Variants in MTMR7 observed in about 807,000 individuals in gnomAD.
MTMR7 encodes the protein myotubularin related protein 7, also known as phosphatidylinositol-3-phosphate phosphatase MTMR7.
In MTMR7, 76 loss-of-function variants were observed where a neutral mutation model predicts 81.2. The ratio of observed to expected loss-of-function variants is 0.94; its 90% confidence interval spans 0.78 to 1.13. The LOEUF (loss-of-function observed/expected upper bound fraction) is 1.13, where lower values mean the gene tolerates loss of function less well. Among genes scored for constraint, MTMR7 ranks in the 50% most tolerant of loss-of-function variants. MTMR7 has a pLI of 0.00. For missense variants in MTMR7, 1,044 were observed against 820.0 expected, an observed-to-expected ratio of 1.27 and a Z score of -3.34; for synonymous variants, 372 against 289.8, an observed-to-expected ratio of 1.28 and a Z score of -2.88.
intron 7 of MTMR7, among the ~76,000 whole-genome samples, chr8:17,328,497 A>G (rs1157222134): frequency 6.6e-6 from 1 of 152,142 alleles, no homozygotes; most frequent in Non-Finnish European, 1.5e-5. Context: ...GTTCTCACTT[A>G]AAAGTGGGAG....
intron 7 of MTMR7, among the ~76,000 whole-genome samples, chr8:17,323,405 G>T (rs373907225): frequency 6.6e-6 from 1 of 152,078 alleles, no homozygotes; most frequent in East Asian, 1.9e-4. Context: ...ACGGAGCCAG[G>T]ATGAACAGGA....
intron 1 of MTMR7, among the ~76,000 whole-genome samples, chr8:17,373,695 T>C (rs1359412955): frequency 2.0e-5 from 3 of 152,200 alleles, no homozygotes; most frequent in African/African-American, 4.8e-5. Context: ...TTTGCTTCCA[T>C]ACAAACTAGT....
chr8:17,315,114 A>G (rs935021502), intron 7 of MTMR7, among the ~76,000 whole-genome samples: 5 of 152,244 alleles, frequency 3.3e-5, no homozygotes, highest in Non-Finnish European at 7.3e-5. Context: ...ATTTAAACAT[A>G]TGAAGTTTAA....
At chr8:17,404,125 T>C (rs2150585586) in intron 1 of MTMR7, among the ~76,000 whole-genome samples, 1 of 152,154 alleles carries the variant, frequency 6.6e-6, no homozygotes, top group African/African-American at 2.4e-5. Flanking sequence ...CTGGCAAAAA[T>C]AAACTGGTGG....
intron 7 of MTMR7, among the ~76,000 whole-genome samples, chr8:17,315,642 C>A (rs996605987): frequency 6.6e-6 from 1 of 152,034 alleles, no homozygotes; most frequent in Non-Finnish European, 1.5e-5. Flanking sequence ...AAGAAAAAGT[C>A]TTTAAAAACA....
At chr8:17,406,960 G>A (rs1490630656) in intron 1 of MTMR7, among the ~76,000 whole-genome samples, 3 of 152,060 alleles carry the variant, frequency 2.0e-5, no homozygotes, top group Non-Finnish European at 4.4e-5. Flanking sequence ...GTGGGGTGAG[G>A]GAGAAATGGA....
intron 4 of MTMR7, among the ~76,000 whole-genome samples, chr8:17,354,144 G>C (rs191074822): frequency 6.6e-6 from 1 of 152,276 alleles, no homozygotes; most frequent in East Asian, 1.9e-4. Flanking sequence ...CAGAAACTGA[G>C]AGATATCTAT....
In MTMR7 at chr8:17,302,209, A is replaced by G. The variant is rs117739013; in HGVS notation, c.1565T>C (p.Met522Thr). The part of the protein sequence containing the change: ...QPRQSVTDYL[M>T]AVKEETQQLE... Reference sequence around the variant, plus strand: ...CTGCTGAGTTTCTTCCTTCACTGCCATTAGGTAATCTGTAACTGACTGTCG... The same window carrying G: ...CTGCTGAGTTTCTTCCTTCACTGCCGTTAGGTAATCTGTAACTGACTGTCG... Residue 522 changes from methionine to threonine, a missense_variant, in exon 13 of 14, where the codon ATG becomes ACG. Coordinates refer to ENST00000180173, the MANE Select transcript of MTMR7 (RefSeq NM_004686.5). The G allele has an allele frequency of 2.8e-3, 4,465 of 1,614,098 alleles. 13 individuals are homozygous for G. Among genetic ancestry groups the G allele is most frequent in the Non-Finnish European group, 3.3e-3 (3,835 of 1,179,972 alleles).
rs185329787 is a variant in MTMR7 at position 17,334,778 on chromosome 8, C to T, written c.733-3496G>A. On this transcript the variant is annotated intron_variant, in intron 6 of 13. Transcript: ENST00000180173. Reference sequence around the variant, plus strand: ...CCAGGACTGGGCAAGAGCTGAGCAACGGGAGAGACAGTGACAATGACAGGA... The same window carrying T: ...CCAGGACTGGGCAAGAGCTGAGCAATGGGAGAGACAGTGACAATGACAGGA... 6.0e-4 allele frequency among the ~76,000 whole-genome samples: 91 copies of T among 152,290 alleles called. 1 individual carries two copies. Among genetic ancestry groups the T allele is most frequent in the Non-Finnish European group, 6.6e-4 (45 of 68,022 alleles).
chr8:17,353,349 G>A lies in MTMR7; in HGVS notation c.469-4268C>T, dbSNP rs540525053. 1.2e-4 allele frequency among the ~76,000 whole-genome samples: 19 copies of A among 152,236 alleles called. No homozygotes were observed. The South Asian group carries it at 2.5e-3, about 20-fold the overall frequency. ...TCAGTTCTGGAGTTGAAAAGTTCCA[G>A]AGATCTATTATAGTACAAGAATGTC... is the stretch of plus-strand genomic sequence containing the variant. On this transcript the variant is annotated intron_variant, in intron 4 of 13. Transcript: ENST00000180173.
intron 11 of MTMR7, among the ~76,000 whole-genome samples, chr8:17,305,139 A>T (rs916578693): frequency 6.6e-6 from 1 of 152,122 alleles, no homozygotes; most frequent in African/African-American, 2.4e-5. Context: ...ACAAAAATTA[A>T]TTTTCTTTAT....
chr8:17,411,637 C>G (rs767007546), intron 1 of MTMR7, among the ~76,000 whole-genome samples: 7 of 152,148 alleles, frequency 4.6e-5, no homozygotes, highest in Non-Finnish European at 8.8e-5. Context: ...CCATTTTCCC[C>G]CAATTTGTTT....
At chr8:17,318,309 G>A (rs2269690) in intron 7 of MTMR7, among the ~76,000 whole-genome samples, 19,665 of 151,942 alleles carry the variant, frequency 0.13, 1,809 homozygotes, top group South Asian at 0.42. Flanking sequence ...TAGGAGCAGC[G>A]CTTCCACAGT....
At chr8:17,329,773 G>C (rs117208959) in intron 7 of MTMR7, among the ~76,000 whole-genome samples, 1,833 of 152,310 alleles carry the variant, frequency 0.012, 19 homozygotes, top group Non-Finnish European at 0.017. Flanking sequence ...AGCAGGAACA[G>C]CCAAACTCTG....
At chr8:17,306,631 G>C (rs1482216481) in intron 10 of MTMR7, among the ~76,000 whole-genome samples, 2 of 152,168 alleles carry the variant, frequency 1.3e-5, no homozygotes, top group East Asian at 1.9e-4. Flanking sequence ...GAATCCAAAA[G>C]GATGTTTTGG....
intron 7 of MTMR7, among the ~76,000 whole-genome samples, chr8:17,324,247 G>A (rs1818554186): frequency 6.6e-6 from 1 of 152,180 alleles, no homozygotes; most frequent in Admixed American, 6.5e-5. Flanking sequence ...AACACTCTCA[G>A]TAACTGTCTG....
At chr8:17,305,113 C>A (rs928949138) in intron 11 of MTMR7, among the ~76,000 whole-genome samples, 4 of 152,146 alleles carry the variant, frequency 2.6e-5, no homozygotes, top group Non-Finnish European at 5.9e-5. Flanking sequence ...TTAGAGAAAA[C>A]AAACTAGTAT....
chr8:17,371,481 C>T (rs1328662948), intron 2 of MTMR7, among the ~76,000 whole-genome samples: 2 of 152,154 alleles, frequency 1.3e-5, no homozygotes, highest in East Asian at 3.8e-4. Flanking sequence ...GGTATGGAAA[C>T]ATTTTGGTAG....
chr8:17,313,158 G>T, intron 8 of MTMR7, 134 bp downstream of exon 8: 1 of 558,894 alleles, frequency 1.8e-6, no homozygotes, highest in Non-Finnish European at 3.2e-6. Context: ...ACAGACTACG[G>T]AGCTCTACAA....
Sources: allele counts gnomAD v4.1 joint callset (sites outside exome capture counted in the v4.1 genomes callset), GRCh38; gene constraint gnomAD v4.1.1; transcripts MANE v1.5; gene names NCBI Gene and HGNC (gene_info 2026-07-23, HGNC 2026-07-21).